The following BLTP3A variants were observed in gnomAD, a reference collection of about 807,000 sequenced individuals.
The protein encoded by BLTP3A is ICBP90 binding protein 1.
At chr6:34,829,997 T>C in the BLTP3A span, among the ~76,000 whole-genome samples, 2 of 151,940 alleles carry the variant, frequency 1.3e-5, no homozygotes, top group African/African-American at 4.8e-5. Flanking sequence ...GTGTTTTTAG[T>C]AGAGACTGGG....
At chr6:34,815,848 A>G in the BLTP3A span, among the ~76,000 whole-genome samples, 43 of 152,198 alleles carry the variant, frequency 2.8e-4, no homozygotes, top group African/African-American at 1.0e-3. Context: ...GGATTTCACC[A>G]TGTTGGCCAG....
the BLTP3A span, among the ~76,000 whole-genome samples, chr6:34,830,968 A>C: frequency 5.9e-5 from 9 of 152,146 alleles, no homozygotes; most frequent in African/African-American, 2.2e-4. Flanking sequence ...ATTGTCTTTC[A>C]TAAAGCACTT....
the BLTP3A span, among the ~76,000 whole-genome samples, chr6:34,812,590 A>C: frequency 6.6e-6 from 1 of 151,814 alleles, no homozygotes; most frequent in African/African-American, 2.4e-5. Flanking sequence ...CCAGCTCTTG[A>C]GTAGCTGGGA....
At chr6:34,870,213 A>G in the BLTP3A span, among the ~76,000 whole-genome samples, 2 of 152,076 alleles carry the variant, frequency 1.3e-5, no homozygotes, top group Non-Finnish European at 2.9e-5. Flanking sequence ...ATCCTTGTAC[A>G]TGTCTCTTGG....
chr6:34,847,094 T>A, the BLTP3A span, among the ~76,000 whole-genome samples: 1 of 152,248 alleles, frequency 6.6e-6, no homozygotes, highest in Non-Finnish European at 1.5e-5. Flanking sequence ...CATTCTTGAA[T>A]TCCTGGGATA....
At chr6:34,796,737 AATC>A in the BLTP3A span, among the ~76,000 whole-genome samples, 1 of 152,224 alleles carries the variant, frequency 6.6e-6, no homozygotes, top group Non-Finnish European at 1.5e-5. Flanking sequence ...CCCTGCCACT[AATC>A]AGCAGGGCAG....
the BLTP3A span, chr6:34,834,319 G>C: frequency 5.0e-6 from 8 of 1,613,918 alleles, no homozygotes; most frequent in Admixed American, 1.7e-5. Flanking sequence ...CTTTTGAATT[G>C]TGGCAGCTCC....
the BLTP3A span, chr6:34,867,722 C>A: frequency 7.2e-7 from 1 of 1,390,756 alleles, no homozygotes; most frequent in Admixed American, 2.8e-5. Context: ...TCTACTAGTG[C>A]CAAGTTCTCT....
At chr6:34,870,381 A>G in the BLTP3A span, among the ~76,000 whole-genome samples, 1 of 152,228 alleles carries the variant, frequency 6.6e-6, no homozygotes, top group African/African-American at 2.4e-5. Context: ...GTTGTTCCAC[A>G]GGATCCTTGG....
chr6:34,834,656 G>A, the BLTP3A span: 3 of 1,571,196 alleles, frequency 1.9e-6, no homozygotes, highest in Non-Finnish European at 1.7e-6. Flanking sequence ...TTTTTTCCTT[G>A]GACTTCTTGC....
chr6:34,847,928 T>C, the BLTP3A span, among the ~76,000 whole-genome samples: 3 of 134,664 alleles, frequency 2.2e-5, no homozygotes, highest in African/African-American at 8.8e-5. Context: ...TTCCTTTTTT[T>C]TTTTTTTTTT....
the BLTP3A span, among the ~76,000 whole-genome samples, chr6:34,815,716 C>T: frequency 6.6e-4 from 101 of 152,228 alleles, no homozygotes; most frequent in Non-Finnish European, 1.1e-3. Flanking sequence ...AAACTTGGCT[C>T]ACTGCAACCT....
At chr6:34,793,210 G>T in the BLTP3A span, among the ~76,000 whole-genome samples, 2 of 152,220 alleles carry the variant, frequency 1.3e-5, no homozygotes, top group Non-Finnish European at 2.9e-5. Flanking sequence ...TGAACCCCGT[G>T]TTGCGATTGC....
the BLTP3A span, among the ~76,000 whole-genome samples, chr6:34,832,497 G>A: frequency 6.7e-6 from 1 of 150,066 alleles, no homozygotes; most frequent in Non-Finnish European, 1.5e-5. Context: ...GTGCAGTGGC[G>A]CAATCTTGGC....
the BLTP3A span, among the ~76,000 whole-genome samples, chr6:34,806,939 C>T: frequency 1.3e-5 from 2 of 152,132 alleles, no homozygotes; most frequent in African/African-American, 4.8e-5. Context: ...AGATTACAGG[C>T]ATGACCCATT....
the BLTP3A span, among the ~76,000 whole-genome samples, chr6:34,831,249 T>G: frequency 6.6e-6 from 1 of 151,950 alleles, no homozygotes; most frequent in Non-Finnish European, 1.5e-5. Flanking sequence ...TGCCTCAGCC[T>G]CCTGAGTGGC....
chr6:34,856,371 G>A, the BLTP3A span: 1 of 1,614,172 alleles, frequency 6.2e-7, no homozygotes, highest in Non-Finnish European at 8.5e-7. Context: ...AAACCACCCT[G>A]GCACCTTGGA....
the BLTP3A span, among the ~76,000 whole-genome samples, chr6:34,843,694 G>A: frequency 6.6e-6 from 1 of 152,186 alleles, no homozygotes; most frequent in African/African-American, 2.4e-5. Context: ...GAATAGTGCT[G>A]CAGTAAACAT....
chr6:34,797,139 A>G, the BLTP3A span, among the ~76,000 whole-genome samples: 2 of 152,198 alleles, frequency 1.3e-5, no homozygotes, highest in East Asian at 1.9e-4. Context: ...AAGAGTCGCT[A>G]TATAATGTAG....
Sources: allele counts gnomAD v4.1 joint callset (sites outside exome capture counted in the v4.1 genomes callset), GRCh38; gene constraint gnomAD v4.1.1; transcripts MANE v1.5; gene names NCBI Gene and HGNC (gene_info 2026-07-23, HGNC 2026-07-21).